The following NELL1 variants were observed in gnomAD, a reference collection of about 807,000 sequenced individuals.
The protein encoded by NELL1 is protein kinase C-binding protein NELL1.
In NELL1, 76 loss-of-function variants were observed where a neutral mutation model predicts 107.4. That is an observed-to-expected ratio of 0.71 (90% confidence interval 0.59 to 0.86). NELL1 has a LOEUF of 0.86. Ranked by LOEUF, NELL1 falls within the 40% of genes least tolerant of loss-of-function variation. NELL1 has a pLI of 0.00. For missense variants in NELL1, 1,024 were observed against 1,005.5 expected, an observed-to-expected ratio of 1.02 and a Z score of -0.25; for synonymous variants, 353 against 341.2, an observed-to-expected ratio of 1.03 and a Z score of -0.38.
intron 16 of NELL1, among the ~76,000 whole-genome samples, chr11:21,557,578 C>G (rs1236772426): frequency 6.6e-6 from 1 of 151,942 alleles, no homozygotes; most frequent in Non-Finnish European, 1.5e-5. Context: ...TTCCTCTGCC[C>G]TTGTTCTCAA....
At chr11:20,721,715 GA>G (rs1189367756) in intron 2 of NELL1, among the ~76,000 whole-genome samples, 1 of 152,152 alleles carries the variant, frequency 6.6e-6, no homozygotes, top group Non-Finnish European at 1.5e-5. Flanking sequence ...AATGTTTTTA[GA>G]AAAGTTCGGG....
intron 2 of NELL1, among the ~76,000 whole-genome samples, chr11:20,742,066 C>A (rs1488743827): frequency 6.6e-6 from 1 of 152,194 alleles, no homozygotes; most frequent in Non-Finnish European, 1.5e-5. Flanking sequence ...AGCGAAGGAG[C>A]ATTGTTATTA....
At chr11:21,547,250 A>T (rs111646221) in intron 16 of NELL1, among the ~76,000 whole-genome samples, 1 of 151,860 alleles carries the variant, frequency 6.6e-6, no homozygotes, top group Admixed American at 6.6e-5. Context: ...CAGGCGAACT[A>T]CTCATTAAAG....
intron 15 of NELL1, among the ~76,000 whole-genome samples, chr11:21,464,721 T>C (rs1424710655): frequency 6.6e-6 from 1 of 152,122 alleles, no homozygotes; most frequent in Non-Finnish European, 1.5e-5. Flanking sequence ...CTTTAACTAC[T>C]AGAGTGGTTT....
At chr11:20,693,672 C>T (rs75805002) in intron 2 of NELL1, among the ~76,000 whole-genome samples, 19,082 of 151,998 alleles carry the variant, frequency 0.13, 1,265 homozygotes, top group African/African-American at 0.15. Context: ...GTCTGATGGG[C>T]TTCCCTTTGA....
chr11:21,320,196 C>T (rs1208499512), intron 14 of NELL1, among the ~76,000 whole-genome samples: 1 of 152,082 alleles, frequency 6.6e-6, no homozygotes, highest in African/African-American at 2.4e-5. Context: ...AAAACACTGG[C>T]TCAGGTCCTG....
intron 3 of NELL1, among the ~76,000 whole-genome samples, chr11:20,802,904 C>T (rs1857307777): frequency 6.6e-6 from 1 of 152,124 alleles, no homozygotes; most frequent in Non-Finnish European, 1.5e-5. Flanking sequence ...TCTGTGCATA[C>T]TTGGGATAAA....
intron 12 of NELL1, among the ~76,000 whole-genome samples, chr11:20,973,412 C>G (rs142668357): frequency 1.2e-4 from 18 of 152,112 alleles, no homozygotes; most frequent in Non-Finnish European, 2.4e-4. Flanking sequence ...CCAGCCTCTT[C>G]GTTACTTTTT....
chr11:21,138,830 T>C (rs1855800709), intron 13 of NELL1, among the ~76,000 whole-genome samples: 1 of 152,120 alleles, frequency 6.6e-6, no homozygotes, highest in Non-Finnish European at 1.5e-5. Flanking sequence ...TCCTTCCTCT[T>C]TGTGAAGTGT....
chr11:21,363,704 A>T (rs1362346822), intron 14 of NELL1, among the ~76,000 whole-genome samples: 1 of 152,194 alleles, frequency 6.6e-6, no homozygotes, highest in Admixed American at 6.5e-5. Context: ...AGTTACTATA[A>T]GACTATCCTC....
chr11:20,977,607 T>A (rs1327978846), intron 12 of NELL1, among the ~76,000 whole-genome samples: 1 of 152,128 alleles, frequency 6.6e-6, no homozygotes, highest in African/African-American at 2.4e-5. Flanking sequence ...TTTCATGCTG[T>A]CCTCTCTTAA....
intron 2 of NELL1, among the ~76,000 whole-genome samples, chr11:20,716,455 AT>A (rs2133902681): frequency 6.6e-6 from 1 of 152,370 alleles, no homozygotes; most frequent in Non-Finnish European, 1.5e-5. Context: ...ACAAAAAATA[AT>A]TGCAAAATAA....
intron 15 of NELL1, among the ~76,000 whole-genome samples, chr11:21,440,502 T>C (rs549012603): frequency 7.8e-4 from 118 of 152,196 alleles, no homozygotes; most frequent in Non-Finnish European, 1.4e-3. Context: ...CAGGCTCTTG[T>C]CAATTAAATT....
chr11:20,952,857 T>A (rs1590456217), intron 11 of NELL1, among the ~76,000 whole-genome samples: 1 of 152,208 alleles, frequency 6.6e-6, no homozygotes, highest in East Asian at 1.9e-4. Context: ...CCTTAAATGT[T>A]GACTACTGTG....
chr11:20,774,438 C>T (rs112575293), intron 2 of NELL1, among the ~76,000 whole-genome samples: 2 of 123,418 alleles, frequency 1.6e-5, no homozygotes, highest in South Asian at 2.6e-4. Context: ...CACTATGTTC[C>T]TCAGGATAGA....
intron 2 of NELL1, among the ~76,000 whole-genome samples, chr11:20,728,370 A>T (rs1387884055): frequency 6.6e-6 from 1 of 152,092 alleles, no homozygotes; most frequent in Non-Finnish European, 1.5e-5. Context: ...CTTAGTCATA[A>T]ATTCTTACTT....
intron 15 of NELL1, among the ~76,000 whole-genome samples, chr11:21,382,393 G>A (rs1473402181): frequency 6.6e-6 from 1 of 151,870 alleles, no homozygotes; most frequent in Non-Finnish European, 1.5e-5. Flanking sequence ...GGAAAAATCA[G>A]ATTTTTATAT....
intron 12 of NELL1, among the ~76,000 whole-genome samples, chr11:20,966,550 T>G (rs536986404): frequency 3.2e-4 from 49 of 152,228 alleles, no homozygotes; most frequent in African/African-American, 1.2e-3. Context: ...ATCTTTCTTT[T>G]CTGTTTTCTC....
chr11:21,369,887 C>A (rs1851319000), intron 14 of NELL1, among the ~76,000 whole-genome samples: 1 of 152,020 alleles, frequency 6.6e-6, no homozygotes, highest in South Asian at 2.1e-4. Flanking sequence ...ACTATCAGAA[C>A]AACCTGTAAA....
Sources: allele counts gnomAD v4.1 joint callset (sites outside exome capture counted in the v4.1 genomes callset), GRCh38; gene constraint gnomAD v4.1.1; transcripts MANE v1.5; gene names NCBI Gene and HGNC (gene_info 2026-07-23, HGNC 2026-07-21).